Variants in AGTPBP1 observed in about 807,000 individuals in gnomAD.
AGTPBP1 encodes ATP/GTP binding carboxypeptidase 1, also known as cytosolic carboxypeptidase 1.
In AGTPBP1, 70 loss-of-function variants were observed where a neutral mutation model predicts 143.9. That is an observed-to-expected ratio of 0.49 (90% confidence interval 0.40 to 0.59). The LOEUF is 0.59. Ranked by LOEUF, AGTPBP1 falls within the 20% of genes least tolerant of loss-of-function variation. The pLI, the probability that AGTPBP1 is intolerant of heterozygous loss-of-function variation, is 0.00. For synonymous variants in AGTPBP1, 463 were observed against 500.2 expected (o/e 0.93, Z 0.99); for missense variants, 1,229 against 1,464.5 (o/e 0.84, Z 2.62).
intron 25 of AGTPBP1, among the ~76,000 whole-genome samples, chr9:85,555,036 A>G (rs1326277038): frequency 6.6e-6 from 1 of 152,180 alleles, no homozygotes; most frequent in Non-Finnish European, 1.5e-5. Flanking sequence ...AAGAAAGCAA[A>G]AAAAGGATAG....
the AGTPBP1 span, among the ~76,000 whole-genome samples, chr9:85,781,932 G>C: frequency 1.3e-5 from 2 of 152,078 alleles, no homozygotes; most frequent in African/African-American, 4.8e-5. Flanking sequence ...GTAATATATT[G>C]CGATGATTAA....
intron 11 of AGTPBP1, among the ~76,000 whole-genome samples, chr9:85,651,148 C>G (rs558265194): frequency 6.6e-6 from 1 of 152,094 alleles, no homozygotes; most frequent in African/African-American, 2.4e-5. Context: ...CCTTGCTTAG[C>G]CTTTAGTGCT....
intron 21 of AGTPBP1, among the ~76,000 whole-genome samples, 179 bp downstream of exon 21, chr9:85,588,119 A>G (rs1001347605): frequency 3.3e-5 from 5 of 152,188 alleles, no homozygotes; most frequent in Admixed American, 2.0e-4. Context: ...ATAATTTCAT[A>G]TCGCTAATAG....
chr9:85,632,292 T>A (rs546201409), intron 14 of AGTPBP1, among the ~76,000 whole-genome samples: 1 of 152,352 alleles, frequency 6.6e-6, no homozygotes, highest in Non-Finnish European at 1.5e-5. Flanking sequence ...TATTTTTAAA[T>A]CCTATACTTA....
Position 85,692,802 on chromosome 9 carries a change from T to C in AGTPBP1, c.44A>G (p.Asn15Ser). ...KVIPEKSLTN[N>S]SRIVGLLAQL... Reference sequence around the variant, plus strand: ...AGCCAGGAGTCCTACGATCCTAGAATTATTGGTAAGGCTAAAAAGAACGTA... The same window carrying C: ...AGCCAGGAGTCCTACGATCCTAGAACTATTGGTAAGGCTAAAAAGAACGTA... Residue 15 changes from asparagine (N) to serine (S), a missense_variant, in exon 3 of 26, where the codon AAT becomes AGT. Physicochemically the swap from Asn to Ser is conservative, Grantham distance 46. Coordinates refer to ENST00000357081, the MANE Select transcript of AGTPBP1 (RefSeq NM_001330701.2). The C allele has an allele frequency of 6.2e-7, 1 of 1,613,568 alleles. No individual in the cohort carries two copies. The highest frequency in any genetic ancestry group is 1.1e-5 in the South Asian group (1 of 90,972).
intron 14 of AGTPBP1, among the ~76,000 whole-genome samples, chr9:85,630,484 T>TTGAC (rs1164209931): frequency 3.3e-5 from 5 of 150,562 alleles, no homozygotes; most frequent in Non-Finnish European, 7.4e-5. Flanking sequence ...GATTGATTGA[T>TTGAC]TGATTGATTG....
Position 85,646,391 on chromosome 9 carries a change from T to C in AGTPBP1, c.1115A>G (p.Asp372Gly). 3 of 1,613,064 alleles carry C rather than the reference T, an allele frequency of 1.9e-6. No homozygotes were observed. Among genetic ancestry groups the C allele is most frequent in the Non-Finnish European group, 2.5e-6 (3 of 1,179,746 alleles). Residue 372 changes from aspartate (D) to glycine (G), a missense_variant, in exon 12 of 26, where the codon GAC (aspartate) becomes GGC (glycine). Physicochemically the swap from Asp to Gly is moderately conservative, Grantham distance 94. This residue lies in a region of AGTPBP1 where 743 missense variants were observed against 812.2 expected (regional missense o/e 0.91). Coordinates refer to ENST00000357081, the MANE Select transcript of AGTPBP1 (RefSeq NM_001330701.2). ...EVDDVVDESD[D>G]NDDIDVEAEN... ...AGCTTCTACATCAATATCATCGTTG[T>C]CATCACTTTCATCTACTACGTCATC...
chr9:85,790,713 T>C, the AGTPBP1 span, among the ~76,000 whole-genome samples: 1 of 152,172 alleles, frequency 6.6e-6, no homozygotes, highest in Admixed American at 6.5e-5. Flanking sequence ...TGAACCCAAA[T>C]ATATTGAATA....
At chr9:85,783,837 C>A in the AGTPBP1 span, among the ~76,000 whole-genome samples, 1 of 152,124 alleles carries the variant, frequency 6.6e-6, no homozygotes, top group Admixed American at 6.5e-5. Context: ...GTCGGCCAGG[C>A]TGGTCTCAAA....
intron 2 of AGTPBP1, among the ~76,000 whole-genome samples, chr9:85,700,490 A>G (rs991073049): frequency 9.9e-5 from 15 of 152,232 alleles, no homozygotes; most frequent in Non-Finnish European, 1.9e-4. Context: ...ACACAGCCAC[A>G]GATTAACCTC....
chr9:85,717,570 A>G (rs1035943411), intron 1 of AGTPBP1, among the ~76,000 whole-genome samples: 2 of 152,056 alleles, frequency 1.3e-5, no homozygotes, highest in African/African-American at 4.8e-5. Flanking sequence ...GCCTCCCAAA[A>G]TCCTTATGTT....
At chr9:85,691,313 G>GAGGGTCTATATTTATTCTT (rs1835859166) in intron 3 of AGTPBP1, among the ~76,000 whole-genome samples, 1 of 152,034 alleles carries the variant, frequency 6.6e-6, no homozygotes, top group Non-Finnish European at 1.5e-5. Flanking sequence ...ATAAATATAA[G>GAGGGTCTATATTTATTCTT]GGTCTATGAC....
intron 14 of AGTPBP1, among the ~76,000 whole-genome samples, chr9:85,632,217 C>T (rs962292979): frequency 2.0e-5 from 3 of 152,076 alleles, no homozygotes; most frequent in Non-Finnish European, 4.4e-5. Context: ...TCCAATTATA[C>T]TTTTACTTTT....
At chr9:85,750,228 C>T in the AGTPBP1 span, among the ~76,000 whole-genome samples, 7 of 152,234 alleles carry the variant, frequency 4.6e-5, no homozygotes, top group African/African-American at 1.7e-4. Flanking sequence ...AGTATAAGGT[C>T]TCTTTATTTA....
chr9:85,628,233 GA>G (rs1188568177), intron 14 of AGTPBP1, among the ~76,000 whole-genome samples: 1 of 152,122 alleles, frequency 6.6e-6, no homozygotes, highest in Non-Finnish European at 1.5e-5. Context: ...GTTGAAATAT[GA>G]AACCTTCATC....
intron 14 of AGTPBP1, among the ~76,000 whole-genome samples, chr9:85,625,411 C>T (rs1009151855): frequency 6.6e-6 from 1 of 152,096 alleles, no homozygotes; most frequent in Non-Finnish European, 1.5e-5. Context: ...TACATCTTAA[C>T]TTACATTTCT....
the AGTPBP1 span, chr9:85,786,267 A>T: frequency 2.3e-5 from 36 of 1,582,152 alleles, no homozygotes; most frequent in Non-Finnish European, 3.0e-5. Context: ...AGCTCTGGGA[A>T]GATATCCCAG....
In AGTPBP1 at chr9:85,596,445, C is replaced by T. The variant is rs1365644171; in HGVS notation, c.2340G>A (p.Met780Ile). Residue 780 changes from methionine (M) to isoleucine (I), a missense_variant, in exon 18 of 26, where the codon ATG becomes ATA. Coordinates refer to ENST00000357081, the MANE Select transcript of AGTPBP1 (RefSeq NM_001330701.2). ...EKSNSQFNYG[M>I]QPLMYSVQEA... The stretch of plus-strand genomic sequence containing the variant: ...CCTGAACCGAATACATGAGTGGTTG[C>T]ATACCTTTGAAAGAGAGAAAAAAAG... 2.0e-5 allele frequency: 31 copies of T among 1,587,128 alleles called. No individual in the cohort carries two copies. The highest frequency in any genetic ancestry group is 2.7e-5 in the Non-Finnish European group (31 of 1,167,430).
At chr9:85,649,711 T>C (rs1833031780) in intron 11 of AGTPBP1, among the ~76,000 whole-genome samples, 1 of 152,174 alleles carries the variant, frequency 6.6e-6, no homozygotes, top group African/African-American at 2.4e-5. Context: ...TCAGGAAATA[T>C]TCCTGTGTTC....
Sources: allele counts gnomAD v4.1 joint callset (sites outside exome capture counted in the v4.1 genomes callset), GRCh38; gene constraint gnomAD v4.1.1; regional missense constraint gnomAD v4.1.1; transcripts MANE v1.5; gene names NCBI Gene and HGNC (gene_info 2026-07-23, HGNC 2026-07-21).